The following AVL9 variants were observed in gnomAD, a reference collection of about 807,000 sequenced individuals.
The protein encoded by AVL9 is AVL9 cell migration associated.
Under a neutral mutation model 79.2 loss-of-function variants are expected in AVL9, and 49 were observed. The observed-to-expected ratio is 0.62, with a 90% CI of 0.49 to 0.79. The LOEUF is 0.79. Among genes scored for constraint, AVL9 ranks in the 30% least tolerant of loss-of-function variants. The pLI, the probability that AVL9 is intolerant of heterozygous loss-of-function variation, is 0.00. For synonymous variants in AVL9, 299 were observed against 280.6 expected (o/e 1.07, Z -0.65); for missense variants, 682 against 776.8 (o/e 0.88, Z 1.45).
At chr7:32,548,506 G>A (rs374001232) in intron 3 of AVL9, among the ~76,000 whole-genome samples, 1 of 152,192 alleles carries the variant, frequency 6.6e-6, no homozygotes, top group Non-Finnish European at 1.5e-5. Context: ...TGAAAGGACT[G>A]TCCATTTATA....
chr7:32,508,076 CT>C (rs1243620730), intron 1 of AVL9, among the ~76,000 whole-genome samples: 2 of 152,070 alleles, frequency 1.3e-5, no homozygotes, highest in Middle Eastern at 3.2e-3. Flanking sequence ...ATTGGATTGT[CT>C]TTTCTTTATT....
At chr7:32,570,364 A>C (rs947497516) in intron 11 of AVL9, among the ~76,000 whole-genome samples, 1 of 152,222 alleles carries the variant, frequency 6.6e-6, no homozygotes, top group East Asian at 1.9e-4. Flanking sequence ...TTATACCTGC[A>C]GAGGCTAAGT....
At chr7:32,516,049 C>A (rs1787890408) in intron 1 of AVL9, among the ~76,000 whole-genome samples, 1 of 152,152 alleles carries the variant, frequency 6.6e-6, no homozygotes, top group Non-Finnish European at 1.5e-5. Flanking sequence ...ACAAAGGCAC[C>A]ACTCACCCCA....
rs1378455700 is a variant in AVL9, at chr7:32,570,083, C to T, written c.1279C>T (p.Arg427Trp). 24 of 1,614,156 alleles carry T rather than the reference C, an allele frequency of 1.5e-5. No homozygotes were observed. The highest frequency in any genetic ancestry group is 1.9e-5 in the Non-Finnish European group (23 of 1,180,022). Reference protein sequence around the residue: ...QHHLLSDVTVRGFVAGATNIL... With the variant: ...QHHLLSDVTVWGFVAGATNIL... ...TCATCTTCTCTCCGATGTCACCGTT[C>T]GGGGGTTTGTTGCTGGAGCTACTAA... The change falls in exon 11 of 16, where the codon CGG becomes TGG. Residue 427 changes from arginine to tryptophan, a missense_variant. Coordinates refer to ENST00000318709, the MANE Select transcript of AVL9 (RefSeq NM_015060.3).
intron 1 of AVL9, among the ~76,000 whole-genome samples, chr7:32,541,658 A>T (rs1185713810): frequency 6.6e-6 from 1 of 152,108 alleles, no homozygotes; most frequent in Non-Finnish European, 1.5e-5. Flanking sequence ...TATGATAAAT[A>T]TATAGAGAAG....
chr7:32,546,069 CTT>C (rs57046702), intron 3 of AVL9, among the ~76,000 whole-genome samples: 3 of 99,002 alleles, frequency 3.0e-5, no homozygotes, highest in East Asian at 3.3e-4. Context: ...TACCTGGAGA[CTT>C]TTTTTTTTTT....
intron 1 of AVL9, among the ~76,000 whole-genome samples, chr7:32,506,820 ACT>A (rs1314719437): frequency 2.6e-5 from 4 of 152,072 alleles, no homozygotes; most frequent in African/African-American, 7.2e-5. Flanking sequence ...TCCTTCACAA[ACT>A]CTGTCGGAAA....
intron 1 of AVL9, among the ~76,000 whole-genome samples, chr7:32,505,931 CT>C (rs888001051): frequency 1.3e-5 from 2 of 152,080 alleles, no homozygotes; most frequent in African/African-American, 4.8e-5. Context: ...GAGTCATTTT[CT>C]TCACTCTTTG....
In AVL9 at chr7:32,583,976, C is replaced by G; in HGVS notation, c.*69C>G. ...CCCCTGTCTGTCTGCTGCTCCCAGGCTGTTACTAGCCACAGATCCACAGCA... is the reference window on the plus strand; with the variant it reads ...CCCCTGTCTGTCTGCTGCTCCCAGGGTGTTACTAGCCACAGATCCACAGCA... On this transcript the variant is annotated 3_prime_UTR_variant, in exon 16 of 16. Transcript: ENST00000318709. 1.8e-6 allele frequency: 2 copies of G among 1,091,800 alleles called. No individual in the cohort carries two copies. Among genetic ancestry groups the G allele is most frequent in the South Asian group, 1.3e-5 (1 of 78,598 alleles). The allele number at this position is 1,091,800 out of a possible 1,614,324, so 67.6% of individuals were successfully genotyped here. A position where few individuals can be genotyped will look rare whatever the true frequency, so the allele number is the denominator to read the frequency against.
At chr7:32,503,367 T>TACACACACACACACACACACACAC (rs1278670017) in intron 1 of AVL9, among the ~76,000 whole-genome samples, 1,108 of 87,958 alleles carry the variant, frequency 0.013, 25 homozygotes, top group Non-Finnish European at 0.018. Context: ...GAGAGATATA[T>TACACACACACACACACACACACAC]ATATATACAC....
chr7:32,524,838 C>T (rs576897235), intron 1 of AVL9, among the ~76,000 whole-genome samples: 1 of 152,118 alleles, frequency 6.6e-6, no homozygotes, highest in Non-Finnish European at 1.5e-5. Flanking sequence ...AGAGAATTTC[C>T]ACTTGAGGGG....
chr7:32,529,211 A>C (rs1788536032), intron 1 of AVL9, among the ~76,000 whole-genome samples: 1 of 152,198 alleles, frequency 6.6e-6, no homozygotes, highest in South Asian at 2.1e-4. Flanking sequence ...TGAGCAGAAG[A>C]GGTTGGCTTT....
At chr7:32,514,803 T>C (rs769105535) in intron 1 of AVL9, among the ~76,000 whole-genome samples, 6 of 152,266 alleles carry the variant, frequency 3.9e-5, no homozygotes, top group East Asian at 1.9e-4. Context: ...CCAAATCTTA[T>C]AAAACAGCCC....
At chr7:32,509,060 A>G (rs1583489741) in intron 1 of AVL9, among the ~76,000 whole-genome samples, 1 of 152,214 alleles carries the variant, frequency 6.6e-6, no homozygotes, top group South Asian at 2.1e-4. Flanking sequence ...TTTTTATATT[A>G]TCTGTTCATC....
intron 1 of AVL9, among the ~76,000 whole-genome samples, chr7:32,523,358 A>C (rs925363188): frequency 1.7e-4 from 26 of 151,874 alleles, no homozygotes; most frequent in African/African-American, 6.3e-4. Flanking sequence ...AAATTGATAA[A>C]AATTAACAAA....
chr7:32,577,243 G>A (rs934908409), intron 13 of AVL9, among the ~76,000 whole-genome samples: 17 of 152,200 alleles, frequency 1.1e-4, no homozygotes, highest in African/African-American at 3.9e-4. Flanking sequence ...ACTGAGGCAG[G>A]AGGATTACTT....
chr7:32,497,865 A>G (rs1177096132), intron 1 of AVL9, among the ~76,000 whole-genome samples: 1 of 151,940 alleles, frequency 6.6e-6, no homozygotes, highest in Non-Finnish European at 1.5e-5. Flanking sequence ...GTTAGCCAGG[A>G]TGGTCTCGAT....
At chr7:32,524,491 G>A (rs1244995914) in intron 1 of AVL9, among the ~76,000 whole-genome samples, 1 of 151,522 alleles carries the variant, frequency 6.6e-6, no homozygotes, top group African/African-American at 2.4e-5. Context: ...CTCCTCCCTG[G>A]GCGGCTGAGC....
rs115669748 is a variant in AVL9 at position 32,575,942 on chromosome 7, A to G, written c.1571-13A>G. The stretch of plus-strand genomic sequence containing the variant: ...CAGCCCAGCTCAACTTCTTTCAAAC[A>G]TTTACTTGACAGACAATGAAAAGAT... On this transcript the variant is annotated splice_polypyrimidine_tract_variant and intron_variant, in intron 12 of 15. Transcript: ENST00000318709. 4,621 of 1,578,258 alleles carry G rather than the reference A, an allele frequency of 2.9e-3. 96 individuals are homozygous for G. The African/African-American group carries it at 0.052, about 18-fold the overall frequency.
Sources: allele counts gnomAD v4.1 joint callset (sites outside exome capture counted in the v4.1 genomes callset), GRCh38; gene constraint gnomAD v4.1.1; transcripts MANE v1.5; gene names NCBI Gene and HGNC (gene_info 2026-07-23, HGNC 2026-07-21).